USP4: variants seen among roughly 807,000 people sequenced by gnomAD.
USP4 encodes ubiquitin specific peptidase 4.
Under a neutral mutation model 118.2 loss-of-function variants are expected in USP4, and 72 were observed. That is an observed-to-expected ratio of 0.61 (90% CI 0.50 to 0.74). The LOEUF is 0.74. Among genes scored for constraint, USP4 ranks in the 30% least tolerant of loss-of-function variants. The pLI is 0.00. For missense variants in USP4, 1,037 were observed against 1,185.7 expected, an observed-to-expected ratio of 0.87 and a Z score of 1.84; for synonymous variants, 415 against 440.4, an observed-to-expected ratio of 0.94 and a Z score of 0.72.
Position 49,286,327 on chromosome 3 carries a change from T to C in USP4, c.1973-2A>G, listed in dbSNP as rs756905159. On this transcript the variant is annotated splice_acceptor_variant, in intron 15 of 21. Transcript: ENST00000265560. LOFTEE classifies it high-confidence loss of function. ...GCTCCATTTCTTCCTCATCTTCTCC[T>C]GGCACATAAATGGAAAACAATATGT... 3 of 1,614,040 alleles carry C rather than the reference T, an allele frequency of 1.9e-6. No homozygotes were observed. Among genetic ancestry groups the C allele is most frequent in the Non-Finnish European group, 1.7e-6 (2 of 1,179,938 alleles).
chr3:49,319,141 C>CA (rs559088103), intron 6 of USP4, among the ~76,000 whole-genome samples: 99 of 112,576 alleles, frequency 8.8e-4, no homozygotes, highest in Admixed American at 2.5e-3. Context: ...GACTGCATCT[C>CA]AAAAAAAAAA....
chr3:49,298,104 A>AGAGAGCT, intron 12 of USP4, 140 bp from the exon 13 acceptor site: 1 of 637,002 alleles, frequency 1.6e-6, no homozygotes, highest in Non-Finnish European at 2.7e-6. Flanking sequence ...AAACAGCCCC[A>AGAGAGCT]GAGAGCTGAG....
intron 13 of USP4, 140 bp downstream of exon 13, chr3:49,297,730 C>A: frequency 1.5e-6 from 1 of 660,642 alleles, no homozygotes; most frequent in South Asian, 1.8e-5. Flanking sequence ...CCCTCAATAC[C>A]CATCTCTTGC....
chr3:49,293,973 T>C (rs1179270417), intron 14 of USP4, among the ~76,000 whole-genome samples: 2 of 150,054 alleles, frequency 1.3e-5, no homozygotes, highest in East Asian at 3.9e-4. Context: ...CTGGCACAAG[T>C]GCATTTTTTT....
At chr3:49,308,291 C>T (rs886760706) in intron 8 of USP4, among the ~76,000 whole-genome samples, 1 of 152,036 alleles carries the variant, frequency 6.6e-6, no homozygotes, top group African/African-American at 2.4e-5. Context: ...TATCAGTTCA[C>T]CTAGGTAATG....
At chr3:49,324,842 C>T (rs1575619158) in intron 5 of USP4, 52 bp downstream of exon 5, 1 of 1,613,878 alleles carries the variant, frequency 6.2e-7, no homozygotes, top group East Asian at 2.2e-5. Flanking sequence ...AAGTATCTGG[C>T]CACACACCCT....
intron 1 of USP4, among the ~76,000 whole-genome samples, chr3:49,337,977 C>G (rs2047688215): frequency 7.7e-6 from 1 of 129,890 alleles, no homozygotes; most frequent in African/African-American, 2.9e-5. Flanking sequence ...ACCCGGGAGG[C>G]AGAGATTGCA....
chr3:49,300,398 G>T, intron 11 of USP4, 69 bp downstream of exon 11: 1 of 1,438,168 alleles, frequency 7.0e-7, no homozygotes, highest in Non-Finnish European at 9.8e-7. Flanking sequence ...GCAGCAGATA[G>T]GAGCAGTCCC....
intron 6 of USP4, among the ~76,000 whole-genome samples, chr3:49,321,958 G>T (rs988715112): frequency 7.2e-5 from 11 of 151,902 alleles, no homozygotes; most frequent in Non-Finnish European, 1.6e-4. Flanking sequence ...CATGCCACTG[G>T]ACTCCAGCCT....
intron 6 of USP4, chr3:49,317,542 GTT>G (rs71077785): frequency 0.089 from 41,826 of 470,644 alleles, 21 homozygotes; most frequent in South Asian, 0.15. Context: ...TTGTTTGTTT[GTT>G]TTTTTTTTTT....
At chr3:49,321,812 G>A (rs1228436575) in intron 6 of USP4, among the ~76,000 whole-genome samples, 2 of 151,912 alleles carry the variant, frequency 1.3e-5, no homozygotes, top group Non-Finnish European at 2.9e-5. Context: ...TGGCCAACAT[G>A]GTGAAACCCC....
chr3:49,329,900 C>T (rs1392936439), intron 2 of USP4, among the ~76,000 whole-genome samples: 1 of 152,022 alleles, frequency 6.6e-6, no homozygotes, highest in Non-Finnish European at 1.5e-5. Context: ...AGCACTTCGG[C>T]AGGCTGAGGC....
At chr3:49,337,862 A>G (rs1056173159) in intron 1 of USP4, among the ~76,000 whole-genome samples, 1 of 151,706 alleles carries the variant, frequency 6.6e-6, no homozygotes, top group Non-Finnish European at 1.5e-5. Context: ...CCTGGCCAAC[A>G]TGGTGAAACC....
At chr3:49,325,698 G>A (rs754448357) in intron 4 of USP4, 21 bp downstream of exon 4, 1 of 1,611,842 alleles carries the variant, frequency 6.2e-7, no homozygotes, top group East Asian at 2.2e-5. Context: ...ACATACCAGG[G>A]ACCCCAGCCC....
chr3:49,336,801 C>T (rs1200527809), intron 1 of USP4, among the ~76,000 whole-genome samples: 2 of 151,858 alleles, frequency 1.3e-5, no homozygotes, highest in Non-Finnish European at 2.9e-5. Flanking sequence ...TGATTACAGG[C>T]GTGAGCCACC....
At chr3:49,325,607 T>C (rs1278672014) in intron 4 of USP4, 112 bp downstream of exon 4, 5 of 1,478,990 alleles carry the variant, frequency 3.4e-6, no homozygotes, top group East Asian at 2.3e-5. Context: ...TCGAGATGAT[T>C]TGGGTAACAA....
rs2047000475 is a variant in USP4 at position 49,279,981 on chromosome 3, G to T, written c.2644+763C>A. 2.6e-5 allele frequency among the ~76,000 whole-genome samples: 4 copies of T among 152,314 alleles called. No individual in the cohort carries two copies. The South Asian group carries it at 8.3e-4, about 32-fold the overall frequency. ...AATTAGCAAATAAAAATGAACACAG[G>T]CAGGGCACGGTGACTCACACCTGTG... On this transcript the variant is annotated intron_variant, in intron 20 of 21. Coordinates refer to ENST00000265560, the MANE Select transcript of USP4 (RefSeq NM_003363.4).
chr3:49,287,411 C>A (rs2047107538), intron 15 of USP4, among the ~76,000 whole-genome samples: 1 of 152,160 alleles, frequency 6.6e-6, no homozygotes, highest in Non-Finnish European at 1.5e-5. Context: ...GCCCCGGCTT[C>A]CCAAAGTACT....
At chr3:49,305,611 T>C in intron 9 of USP4, 104 bp downstream of exon 9, 1 of 1,082,844 alleles carries the variant, frequency 9.2e-7, no homozygotes, top group Non-Finnish European at 1.3e-6. Context: ...ATAATGTAAA[T>C]ACCATAAAAA....
Sources: allele counts gnomAD v4.1 joint callset (sites outside exome capture counted in the v4.1 genomes callset), GRCh38; gene constraint gnomAD v4.1.1; transcripts MANE v1.5; gene names NCBI Gene and HGNC (gene_info 2026-07-23, HGNC 2026-07-21).